The following PCDHA3 variants were observed in gnomAD, a reference collection of about 807,000 sequenced individuals.
PCDHA3 encodes protocadherin alpha 3.
In PCDHA3, 41 loss-of-function variants were observed where a neutral mutation model predicts 62.2. The ratio of observed to expected loss-of-function variants is 0.66; its 90% CI spans 0.51 to 0.86. PCDHA3 has a LOEUF of 0.86. Ranked by LOEUF, PCDHA3 falls within the 40% of genes least tolerant of loss-of-function variation. PCDHA3 has a pLI of 0.00. For synonymous variants in PCDHA3, 640 were observed against 555.4 expected (o/e 1.15, Z -2.14); for missense variants, 1,304 against 1,241.2 (o/e 1.05, Z -0.76).
chr5:140,961,887 G>GTT (rs35680913), intron 1 of PCDHA3, among the ~76,000 whole-genome samples: 78 of 143,932 alleles, frequency 5.4e-4, no homozygotes, highest in African/African-American at 1.2e-3. Flanking sequence ...ACTTACATCA[G>GTT]TTTTTTTTTT....
intron 1 of PCDHA3, chr5:140,871,170 G>A (rs2052777446): frequency 1.2e-6 from 2 of 1,613,536 alleles, no homozygotes; most frequent in Non-Finnish European, 1.7e-6. Context: ...CGAGCCCAGA[G>A]GCTGCGCTGG....
In PCDHA3 at chr5:140,858,166, C is replaced by T. The variant is rs781812057; in HGVS notation, c.2394+54575C>T. 1.9e-6 allele frequency: 3 copies of T among 1,597,908 alleles called. 1 individual carries two copies. The South Asian group carries it at 3.3e-5, about 18-fold the overall frequency. On this transcript the variant is annotated intron_variant, in intron 1 of 3. Transcript: ENST00000522353. ...TGATCATCGCCATCTGCGCGGTGTC[C>T]AGCTTGCTGGTGCTCACGCTGCTGC...
intron 1 of PCDHA3, chr5:140,883,657 C>A (rs782568456): frequency 1.2e-6 from 2 of 1,613,470 alleles, no homozygotes; most frequent in East Asian, 4.5e-5. Context: ...ACACGGTGTT[C>A]GTGAAGGAAA....
chr5:140,804,938 T>C, intron 1 of PCDHA3: 1 of 1,182,744 alleles, frequency 8.5e-7, no homozygotes, highest in Non-Finnish European at 1.1e-6. Context: ...TATCCTTTGT[T>C]GCTCCCTTGT....
At chr5:140,840,332 C>G (rs1776661015) in intron 1 of PCDHA3, among the ~76,000 whole-genome samples, 1 of 151,624 alleles carries the variant, frequency 6.6e-6, no homozygotes, top group African/African-American at 2.4e-5. Context: ...ATTTTCTAGG[C>G]AATGTTAGGG....
chr5:140,841,575 T>C (rs1220947138), intron 1 of PCDHA3: 1 of 1,613,812 alleles, frequency 6.2e-7, no homozygotes, highest in Non-Finnish European at 8.5e-7. Flanking sequence ...GGCATTTTGT[T>C]TGTGAATTCT....
intron 1 of PCDHA3, chr5:140,852,271 A>C (rs1554145738): frequency 6.0e-6 from 3 of 502,014 alleles, no homozygotes; most frequent in African/African-American, 2.1e-5. Context: ...ACAATATTAC[A>C]TGTTTTTTGT....
chr5:140,943,420 G>T (rs1197382156), intron 1 of PCDHA3, among the ~76,000 whole-genome samples: 1 of 152,040 alleles, frequency 6.6e-6, no homozygotes, highest in Non-Finnish European at 1.5e-5. Context: ...AGAGGCAAGG[G>T]CTTTAATATG....
At chr5:140,819,285 A>C (rs1309010996) in intron 1 of PCDHA3, among the ~76,000 whole-genome samples, 1 of 152,158 alleles carries the variant, frequency 6.6e-6, no homozygotes, top group East Asian at 1.9e-4. Context: ...AGAGAAGAAA[A>C]ATATAGCTTA....
intron 1 of PCDHA3, chr5:140,966,609 G>A: frequency 1.4e-6 from 1 of 702,876 alleles, no homozygotes; most frequent in Non-Finnish European, 2.1e-6. Flanking sequence ...CCTTGGGAGG[G>A]CCTACGGAGG....
intron 1 of PCDHA3, among the ~76,000 whole-genome samples, chr5:140,961,831 T>G (rs1447917023): frequency 6.6e-6 from 1 of 152,194 alleles, no homozygotes; most frequent in African/African-American, 2.4e-5. Flanking sequence ...TGTAAGTTAT[T>G]TCAGTGCCTT....
At chr5:140,821,649 T>C (rs1477425486) in intron 1 of PCDHA3, 10 of 1,085,948 alleles carry the variant, frequency 9.2e-6, no homozygotes, top group Non-Finnish European at 1.3e-5. Context: ...GAACCTTCCA[T>C]TTTTGGCTGT....
At chr5:140,845,285 A>G (rs1237210455) in intron 1 of PCDHA3, among the ~76,000 whole-genome samples, 1 of 149,314 alleles carries the variant, frequency 6.7e-6, no homozygotes, top group East Asian at 1.9e-4. Context: ...AATATTTCCT[A>G]TCCTGTCTAT....
At chr5:140,917,374 C>T (rs1378508006) in intron 1 of PCDHA3, among the ~76,000 whole-genome samples, 1 of 151,778 alleles carries the variant, frequency 6.6e-6, no homozygotes, top group East Asian at 1.9e-4. Flanking sequence ...CTTGCTCCAC[C>T]TCAATAGTCT....
At chr5:140,883,904 G>C in intron 1 of PCDHA3, 1 of 1,613,344 alleles carries the variant, frequency 6.2e-7, no homozygotes, top group Non-Finnish European at 8.5e-7. Context: ...GCCGCCTCTG[G>C]GCAGCAACGT....
chr5:141,004,708 A>G (rs955852492), intron 3 of PCDHA3, among the ~76,000 whole-genome samples: 2 of 152,340 alleles, frequency 1.3e-5, no homozygotes, highest in South Asian at 4.1e-4. Flanking sequence ...TAGGTGCCGA[A>G]TCAGAGGTTT....
Position 140,802,775 on chromosome 5 carries a change from G to C in PCDHA3, c.1578G>C (p.Glu526Asp). The C allele has an allele frequency of 1.2e-6, 2 of 1,613,154 alleles. No homozygotes were observed. Among genetic ancestry groups the C allele is most frequent in the Non-Finnish European group, 1.7e-6 (2 of 1,179,882 alleles). ...KVYALQPLDH[E>D]ELELLQFQVS... ...ACGCGCTGCAGCCGCTGGACCACGA[G>C]GAGCTAGAGCTGCTGCAGTTCCAGG... is the stretch of plus-strand genomic sequence containing the variant. Residue 526 changes from glutamate (E) to aspartate (D), a missense_variant, in exon 1 of 4, where the codon GAG (glutamate) becomes GAC (aspartate). By Grantham distance (45) the Glu-to-Asp change is conservative. Coordinates refer to ENST00000522353, the MANE Select transcript of PCDHA3 (RefSeq NM_018906.3).
intron 3 of PCDHA3, among the ~76,000 whole-genome samples, chr5:140,987,254 T>C (rs1358606591): frequency 1.3e-5 from 2 of 151,878 alleles, no homozygotes; most frequent in Non-Finnish European, 1.5e-5. Flanking sequence ...AAAGACATTC[T>C]CAGGAATGGG....
Position 140,883,794 on chromosome 5 carries a change from C to T in PCDHA3, c.2394+80203C>T, listed in dbSNP as rs781822448. On this transcript the variant is annotated intron_variant, in intron 1 of 3. Coordinates refer to ENST00000522353, the MANE Select transcript of PCDHA3 (RefSeq NM_018906.3). ...GAGCGTGCGCTGTCGAGCTACGTGT[C>T]GGTGCACGCGGAGAGCGGCAAGGTG... 8 of 1,612,476 alleles carry T rather than the reference C, an allele frequency of 5.0e-6. No individual in the cohort carries two copies. The East Asian group carries it at 1.6e-4, about 31-fold the overall frequency.
Sources: gnomAD v4.1 joint callset for allele counts (sites outside exome capture counted in the v4.1 genomes callset) on GRCh38, gnomAD v4.1.1 for gene constraint, MANE v1.5 for transcripts, NCBI Gene and HGNC (gene_info 2026-07-23, HGNC 2026-07-21) for gene names.